RASGRP3: variants seen among roughly 807,000 people sequenced by gnomAD.
RASGRP3 encodes ras guanyl-releasing protein 3.
In RASGRP3, 54 loss-of-function variants were observed where a neutral mutation model predicts 82.7. The observed-to-expected ratio is 0.65, with a 90% CI of 0.52 to 0.82. The LOEUF (loss-of-function observed/expected upper bound fraction) is 0.82. Ranked by LOEUF, RASGRP3 falls within the 40% of genes least tolerant of loss-of-function variation. RASGRP3 has a pLI of 0.00. For missense variants in RASGRP3, 861 were observed against 828.9 expected (o/e 1.04, Z -0.48); for synonymous variants, 309 against 300.5 (o/e 1.03, Z -0.29).
At chr2:33,448,583 G>T (rs1366134674) in intron 2 of RASGRP3, among the ~76,000 whole-genome samples, 1 of 152,076 alleles carries the variant, frequency 6.6e-6, no homozygotes, top group African/African-American at 2.4e-5. Flanking sequence ...AATATTATAT[G>T]ATTCCACTTA....
chr2:33,541,591 G>A (rs551080644), intron 12 of RASGRP3, among the ~76,000 whole-genome samples: 1 of 146,894 alleles, frequency 6.8e-6, no homozygotes, highest in South Asian at 2.2e-4. Flanking sequence ...TAATCTGAGA[G>A]GTGAAAAAAA....
chr2:33,507,764 G>C (rs1670530255), intron 1 of RASGRP3, among the ~76,000 whole-genome samples: 1 of 152,148 alleles, frequency 6.6e-6, no homozygotes, highest in African/African-American at 2.4e-5. Context: ...GACCTCAAGT[G>C]ATCCACCCGC....
At chr2:33,549,518 G>A in intron 13 of RASGRP3, 86 bp from the exon 14 acceptor site, 1 of 1,353,222 alleles carries the variant, frequency 7.4e-7, no homozygotes, top group Non-Finnish European at 1.0e-6. Flanking sequence ...GGCCACAAAG[G>A]TTTGGGAGGT....
At chr2:33,463,592 C>CTTTTTTT (rs56748259) in intron 2 of RASGRP3, among the ~76,000 whole-genome samples, 4 of 70,244 alleles carry the variant, frequency 5.7e-5, no homozygotes, top group Non-Finnish European at 8.0e-5. Flanking sequence ...CTCCTTCACT[C>CTTTTTTT]TTTTTTTTTT....
intron 1 of RASGRP3, chr2:33,481,150 C>G (rs1165111339): frequency 6.6e-6 from 1 of 152,514 alleles, no homozygotes; most frequent in African/African-American, 2.4e-5. Context: ...GTTGGTTATG[C>G]TATCTTTCTT....
rs12468338 is a variant in RASGRP3, at chr2:33,499,862, G to C, written c.-260-11848G>C. 2.0e-5 allele frequency among the ~76,000 whole-genome samples: 3 copies of C among 152,010 alleles called. No homozygotes were observed. The South Asian group carries it at 6.2e-4, about 31-fold the overall frequency. On this transcript the variant is annotated intron_variant, in intron 1 of 17. Transcript: ENST00000403687. ...CAAAAGAATATGATGGCAGAGAAAA[G>C]TAGTCATATAAAGATATCAGGCACA... is the stretch of plus-strand genomic sequence containing the variant.
chr2:33,497,488 C>T (rs1042091963), intron 1 of RASGRP3, among the ~76,000 whole-genome samples: 2 of 152,198 alleles, frequency 1.3e-5, no homozygotes, highest in Non-Finnish European at 2.9e-5. Flanking sequence ...AGCAAAACTG[C>T]TGGTGGAAAA....
intron 1 of RASGRP3, among the ~76,000 whole-genome samples, chr2:33,494,569 C>A (rs1291835778): frequency 1.3e-5 from 2 of 152,136 alleles, no homozygotes; most frequent in Non-Finnish European, 1.5e-5. Flanking sequence ...CAAATCCAAA[C>A]CAACCTAGAG....
At chr2:33,527,603 G>A (rs1672706557) in intron 10 of RASGRP3, among the ~76,000 whole-genome samples, 191 bp downstream of exon 10, 1 of 152,140 alleles carries the variant, frequency 6.6e-6, no homozygotes, top group East Asian at 1.9e-4. Context: ...GCAAATCTTG[G>A]GGCAAAGAAA....
intron 11 of RASGRP3, among the ~76,000 whole-genome samples, chr2:33,538,425 C>A (rs1673875545): frequency 6.6e-6 from 1 of 151,958 alleles, no homozygotes; most frequent in Admixed American, 6.6e-5. Flanking sequence ...ATCGCTTGAA[C>A]TTGGGAGGCA....
At chr2:33,469,157 C>A (rs918973812) in intron 2 of RASGRP3, among the ~76,000 whole-genome samples, 1 of 152,060 alleles carries the variant, frequency 6.6e-6, no homozygotes, top group African/African-American at 2.4e-5. Flanking sequence ...CCCTTGTGAA[C>A]TATTTATTAA....
rs111996186 is a variant in RASGRP3, at chr2:33,488,734, A to T, written c.-261+12027A>T. 5.7e-3 allele frequency among the ~76,000 whole-genome samples: 868 copies of T among 152,362 alleles called. 10 individuals are homozygous for T. Among genetic ancestry groups the T allele is most frequent in the African/African-American group, 0.02 (828 of 41,584 alleles). Reference sequence around the variant, plus strand: ...ACCTAGAAAGCTTTAAAATGTTCTCAATTATGTCAAATTCTGACATGTTAA... The same window carrying T: ...ACCTAGAAAGCTTTAAAATGTTCTCTATTATGTCAAATTCTGACATGTTAA... On this transcript the variant is annotated intron_variant, in intron 1 of 17. Coordinates refer to ENST00000403687, the MANE Select transcript of RASGRP3 (RefSeq NM_001139488.2).
At chr2:33,482,242 C>G (rs1668004906) in intron 1 of RASGRP3, 1 of 152,224 alleles carries the variant, frequency 6.6e-6, no homozygotes, top group Non-Finnish European at 1.5e-5. Context: ...TCTCGATTTC[C>G]TGACCTCGTG....
intron 14 of RASGRP3, among the ~76,000 whole-genome samples, chr2:33,551,612 GT>G (rs1489388036): frequency 1.3e-5 from 2 of 151,982 alleles, no homozygotes; most frequent in Non-Finnish European, 2.9e-5. Flanking sequence ...TGAGGCAGGG[GT>G]ATAGCTTGAG....
In RASGRP3 at chr2:33,496,948, G is replaced by C. The variant is rs371807540; in HGVS notation, c.-260-14762G>C. The stretch of plus-strand genomic sequence containing the variant: ...ATGAAAGCAATACGTTTTGGGTCTT[G>C]AGTATTTCTTGACATTTCAAGTGTA... On this transcript the variant is annotated intron_variant, in intron 1 of 17. Coordinates refer to ENST00000403687, the MANE Select transcript of RASGRP3 (RefSeq NM_001139488.2). 4.1e-4 allele frequency among the ~76,000 whole-genome samples: 63 copies of C among 152,268 alleles called. 2 individuals are homozygous for C. The South Asian group carries it at 0.012, about 30-fold the overall frequency.
chr2:33,471,341 ATTTTTTTT>A (rs70940204), intron 2 of RASGRP3, among the ~76,000 whole-genome samples: 2 of 106,790 alleles, frequency 1.9e-5, no homozygotes, highest in African/African-American at 7.4e-5. Flanking sequence ...ACACTGGGCT[ATTTTTTTT>A]TTTTTTTTTT....
chr2:33,550,105 GT>G (rs1675219321), intron 14 of RASGRP3, among the ~76,000 whole-genome samples: 1 of 152,102 alleles, frequency 6.6e-6, no homozygotes, highest in South Asian at 2.1e-4. Flanking sequence ...GTTCCTTCCA[GT>G]TTTCATTTCA....
At chr2:33,562,245 G>C (rs936142) in intron 17 of RASGRP3, among the ~76,000 whole-genome samples, 52,717 of 149,496 alleles carry the variant, frequency 0.35, 10,523 homozygotes, top group Middle Eastern at 0.56. Flanking sequence ...CATATGCTGG[G>C]TGAACTACAT....
chr2:33,439,773 T>C (rs942816162), intron 1 of RASGRP3, among the ~76,000 whole-genome samples: 1 of 151,884 alleles, frequency 6.6e-6, no homozygotes, highest in African/African-American at 2.4e-5. Context: ...GTTCAGAAGG[T>C]GGTGGGACTT....
Sources: allele counts gnomAD v4.1 joint callset (sites outside exome capture counted in the v4.1 genomes callset), GRCh38; gene constraint gnomAD v4.1.1; transcripts MANE v1.5; gene names NCBI Gene and HGNC (gene_info 2026-07-23, HGNC 2026-07-21).